Variants in ZNF609 observed in about 807,000 individuals in gnomAD.
The protein encoded by ZNF609 is zinc finger protein 609.
In ZNF609, 11 loss-of-function variants were observed where a neutral mutation model predicts 109.5. The ratio of observed to expected loss-of-function variants is 0.10; its 90% CI spans 0.06 to 0.17. The LOEUF (loss-of-function observed/expected upper bound fraction) is 0.17, where lower values mean the gene tolerates loss of function less well. Ranked by LOEUF, ZNF609 falls within the 10% of genes least tolerant of loss-of-function variation. The pLI, the probability that ZNF609 is intolerant of heterozygous loss-of-function variation, is 1.00. For missense variants in ZNF609, 1,559 were observed against 1,772.4 expected, an observed-to-expected ratio of 0.88 and a Z score of 2.16; for synonymous variants, 646 against 662.0, an observed-to-expected ratio of 0.98 and a Z score of 0.37.
chr15:64,507,425 T>C (rs1893653098), intron 2 of ZNF609, among the ~76,000 whole-genome samples: 3 of 152,002 alleles, frequency 2.0e-5, no homozygotes, highest in African/African-American at 7.2e-5. Context: ...CCTCTCTCTG[T>C]GGTTTTCACT....
chr15:64,623,708 G>A (rs770480716), intron 3 of ZNF609, among the ~76,000 whole-genome samples: 13 of 152,276 alleles, frequency 8.5e-5, no homozygotes, highest in East Asian at 1.9e-4. Context: ...CCCTGAGAAC[G>A]GAATCTATTC....
intron 2 of ZNF609, among the ~76,000 whole-genome samples, chr15:64,540,216 A>G (rs1894227227): frequency 6.6e-6 from 1 of 152,172 alleles, no homozygotes; most frequent in South Asian, 2.1e-4. Flanking sequence ...AGTAGGCAGG[A>G]GTTTGCTATT....
At chr15:64,555,489 C>T (rs1894565222) in intron 2 of ZNF609, among the ~76,000 whole-genome samples, 1 of 152,030 alleles carries the variant, frequency 6.6e-6, no homozygotes, top group Non-Finnish European at 1.5e-5. Context: ...CATGGTGAAA[C>T]CTCGTCTCTA....
At chr15:64,669,194 G>C (rs1219248302) in intron 3 of ZNF609, among the ~76,000 whole-genome samples, 1 of 152,118 alleles carries the variant, frequency 6.6e-6, no homozygotes, top group Non-Finnish European at 1.5e-5. Context: ...AGTGCACTGT[G>C]ATTAACAGTT....
At chr15:64,500,265 T>C (rs1230076697) in intron 2 of ZNF609, 99 bp downstream of exon 2, 1 of 1,475,342 alleles carries the variant, frequency 6.8e-7, no homozygotes, top group South Asian at 1.2e-5. Flanking sequence ...GGCTCATTAG[T>C]GTGTGGGTAA....
chr15:64,498,533 T>C lies in ZNF609; in HGVS notation c.-127-760T>C, dbSNP rs1261385676. On this transcript the variant is annotated intron_variant, in intron 1 of 9. Transcript: ENST00000326648. ...TGTCCAGTTTTTCATAGAGTAAACATTTTTCTTTATTTGTGTGTCGTCCTA... is the reference window on the plus strand; with the variant it reads ...TGTCCAGTTTTTCATAGAGTAAACACTTTTCTTTATTTGTGTGTCGTCCTA... Among the ~76,000 whole-genome samples, 3 of 152,026 alleles carry C rather than the reference T, an allele frequency of 2.0e-5. No individual in the cohort carries two copies. The East Asian group carries it at 5.8e-4, about 29-fold the overall frequency.
At chr15:64,657,010 G>A (rs1896498621) in intron 3 of ZNF609, among the ~76,000 whole-genome samples, 1 of 152,200 alleles carries the variant, frequency 6.6e-6, no homozygotes, top group Non-Finnish European at 1.5e-5. Flanking sequence ...TGTAATCCCA[G>A]CACTTTGGGA....
intron 2 of ZNF609, among the ~76,000 whole-genome samples, chr15:64,612,981 C>G (rs1465061640): frequency 6.6e-6 from 1 of 151,934 alleles, no homozygotes; most frequent in East Asian, 1.9e-4. Flanking sequence ...CGCCACTGCA[C>G]TCCAGCCTGG....
At chr15:64,600,774 T>C (rs1895485767) in intron 2 of ZNF609, among the ~76,000 whole-genome samples, 1 of 152,008 alleles carries the variant, frequency 6.6e-6, no homozygotes, top group Non-Finnish European at 1.5e-5. Flanking sequence ...ATAAGCTCTA[T>C]ATGTTAAGTA....
rs552304144 is a variant in ZNF609, at chr15:64,556,960, G to A, written c.747+56794G>A. On this transcript the variant is annotated intron_variant, in intron 2 of 9. Coordinates refer to ENST00000326648, the MANE Select transcript of ZNF609 (RefSeq NM_015042.2). ...AACATTAAAGATTAAAAACCGTAAAGAGGAACCAGGATAATTATATCCAAA... is the reference window on the plus strand; with the variant it reads ...AACATTAAAGATTAAAAACCGTAAAAAGGAACCAGGATAATTATATCCAAA... 2.0e-5 allele frequency among the ~76,000 whole-genome samples: 3 copies of A among 152,240 alleles called. No individual in the cohort carries two copies. In the South Asian group the frequency reaches 6.2e-4, roughly 32 times the overall value.
chr15:64,493,838 C>G (rs1325913942), intron 1 of ZNF609, among the ~76,000 whole-genome samples: 1 of 152,178 alleles, frequency 6.6e-6, no homozygotes, highest in Non-Finnish European at 1.5e-5. Flanking sequence ...GTTGGTTACC[C>G]CACCTCTTGG....
intron 2 of ZNF609, among the ~76,000 whole-genome samples, chr15:64,524,032 C>G (rs1350354461): frequency 6.7e-6 from 1 of 148,188 alleles, no homozygotes; most frequent in Non-Finnish European, 1.5e-5. Flanking sequence ...TTTCCTCATA[C>G]AGTTTTTTTA....
rs2083228899 is a variant in ZNF609 at position 64,684,326 on chromosome 15, C to T, written c.*2640C>T. On this transcript the variant is annotated 3_prime_UTR_variant, in exon 10 of 10. Coordinates refer to ENST00000326648, the MANE Select transcript of ZNF609 (RefSeq NM_015042.2). Reference sequence around the variant, plus strand: ...AAAATTTGCTACCAAGGGCCAAGACCACCAGACCAAGCCTGTTTATGAGCC... The same window carrying T: ...AAAATTTGCTACCAAGGGCCAAGACTACCAGACCAAGCCTGTTTATGAGCC... 6.6e-6 allele frequency: 1 copy of T among 152,564 alleles called. No homozygotes were observed. Among genetic ancestry groups the T allele is most frequent in the Admixed American group, 6.5e-5 (1 of 15,286 alleles). 9.5% of individuals were successfully genotyped at this position (152,564 alleles called of 1,614,324 possible). A position where few individuals can be genotyped will look rare whatever the true frequency, so the allele number is the denominator to read the frequency against.
intron 2 of ZNF609, among the ~76,000 whole-genome samples, chr15:64,588,651 C>CTTTT (rs71133452): frequency 7.4e-6 from 1 of 135,802 alleles, no homozygotes; most frequent in African/African-American, 2.7e-5. Flanking sequence ...GGTCTGTAGT[C>CTTTT]TTTTTTTTTT....
At chr15:64,624,572 TGAGA>T (rs775463017) in intron 3 of ZNF609, among the ~76,000 whole-genome samples, 1 of 152,056 alleles carries the variant, frequency 6.6e-6, no homozygotes, top group Non-Finnish European at 1.5e-5. Flanking sequence ...ACAAAAACTT[TGAGA>T]GAGTGAGGCT....
At chr15:64,670,464 A>T (rs750467588) in intron 4 of ZNF609, 31 bp downstream of exon 4, 1 of 1,566,396 alleles carries the variant, frequency 6.4e-7, no homozygotes. Flanking sequence ...AGTTTATATT[A>T]TTCTGAACCA....
intron 1 of ZNF609, among the ~76,000 whole-genome samples, chr15:64,470,016 C>A (rs1566992024): frequency 6.6e-6 from 1 of 152,126 alleles, no homozygotes; most frequent in Non-Finnish European, 1.5e-5. Flanking sequence ...TTTGACTAGT[C>A]AGTAGAAATT....
intron 2 of ZNF609, among the ~76,000 whole-genome samples, chr15:64,584,791 G>A (rs1895167596): frequency 1.3e-5 from 2 of 151,038 alleles, no homozygotes; most frequent in Admixed American, 6.6e-5. Context: ...ACCACACCCA[G>A]CTAATTTTTG....
In ZNF609 at chr15:64,499,329, TGGCAG is replaced by T. The variant is rs1893524903; in HGVS notation, c.-89_-85del. 21 of 1,513,080 alleles carry T rather than the reference TGGCAG, an allele frequency of 1.4e-5. No homozygotes were observed. Among genetic ancestry groups the T allele is most frequent in the Middle Eastern group, 2.0e-4 (1 of 4,900 alleles). 93.7% of individuals were successfully genotyped at this position (1,513,080 alleles called of 1,614,324 possible). On this transcript the variant is annotated 5_prime_UTR_variant, in exon 2 of 10. It removes the in-frame stop codon of an upstream open reading frame in the 5' UTR. Coordinates refer to ENST00000326648, the MANE Select transcript of ZNF609 (RefSeq NM_015042.2). ...TCCACTGGGCATGTACTGACCAATG[TGGCAG>T]GTCTGAGAACATAGCTGAAGCTGAA...
Sources: allele counts gnomAD v4.1 joint callset (sites outside exome capture counted in the v4.1 genomes callset), GRCh38; gene constraint gnomAD v4.1.1; transcripts MANE v1.5; gene names NCBI Gene and HGNC (gene_info 2026-07-23, HGNC 2026-07-21).